DUSP16: variants seen among roughly 807,000 people sequenced by gnomAD.
DUSP16 encodes the protein dual specificity phosphatase 16, also known as dual specificity protein phosphatase 16.
A neutral mutation model predicts 58.3 loss-of-function variants in DUSP16; 21 were observed. The observed-to-expected ratio is 0.36, with a 90% CI of 0.26 to 0.52. The LOEUF (loss-of-function observed/expected upper bound fraction) is 0.52, where lower values mean the gene tolerates loss of function less well. DUSP16 is among the 20% of genes least tolerant of loss of function. The pLI is 0.94. For synonymous variants in DUSP16, 320 were observed against 323.8 expected (o/e 0.99, Z 0.12); for missense variants, 726 against 819.0 (o/e 0.89, Z 1.39).
intron 1 of DUSP16, among the ~76,000 whole-genome samples, chr12:12,560,460 CTGTAAA>C (rs1300241859): frequency 6.6e-6 from 1 of 152,160 alleles, no homozygotes; most frequent in Non-Finnish European, 1.5e-5. Flanking sequence ...TTACATAAGA[CTGTAAA>C]TGTTAGCCAA....
intron 1 of DUSP16, among the ~76,000 whole-genome samples, chr12:12,533,769 A>C (rs548121404): frequency 1.3e-5 from 2 of 152,010 alleles, no homozygotes; most frequent in African/African-American, 4.8e-5. Context: ...CCTAATTTCA[A>C]CTCATCTACT....
intron 1 of DUSP16, among the ~76,000 whole-genome samples, chr12:12,528,723 A>G (rs779651544): frequency 3.3e-5 from 5 of 152,380 alleles, no homozygotes; most frequent in Middle Eastern, 6.8e-3. Flanking sequence ...TAAATTAACA[A>G]GGCAAAAATT....
At chr12:12,527,337 CCTT>C (rs1180031533) in intron 1 of DUSP16, among the ~76,000 whole-genome samples, 1 of 151,216 alleles carries the variant, frequency 6.6e-6, no homozygotes, top group Non-Finnish European at 1.5e-5. Flanking sequence ...AACAAGAACT[CCTT>C]AGACTTTGAC....
intron 1 of DUSP16, among the ~76,000 whole-genome samples, chr12:12,525,092 T>C (rs1457812734): frequency 3.9e-5 from 6 of 152,186 alleles, no homozygotes; most frequent in African/African-American, 7.2e-5. Flanking sequence ...ATACACACTT[T>C]TCCTTCTCTT....
At chr12:12,531,157 T>G (rs1944378403) in intron 1 of DUSP16, among the ~76,000 whole-genome samples, 2 of 152,170 alleles carry the variant, frequency 1.3e-5, no homozygotes. Flanking sequence ...CTGAACAATT[T>G]GGAACACAGT....
chr12:12,547,531 T>TAAAA (rs761142479), intron 1 of DUSP16, among the ~76,000 whole-genome samples: 2 of 66,656 alleles, frequency 3.0e-5, no homozygotes, highest in African/African-American at 4.9e-5. Flanking sequence ...TGAGTAGGCT[T>TAAAA]AAAAAAAAAA....
At chr12:12,540,090 A>C (rs1330167776) in intron 1 of DUSP16, among the ~76,000 whole-genome samples, 4 of 151,294 alleles carry the variant, frequency 2.6e-5, no homozygotes, top group Admixed American at 6.6e-5. Flanking sequence ...CAGGAGTTTG[A>C]GACTAGCCTA....
intron 1 of DUSP16, among the ~76,000 whole-genome samples, chr12:12,557,614 A>T (rs1447891706): frequency 1.3e-5 from 2 of 152,238 alleles, no homozygotes; most frequent in African/African-American, 4.8e-5. Flanking sequence ...TTAAAAAGTT[A>T]TAACATGAAG....
intron 5 of DUSP16, among the ~76,000 whole-genome samples, chr12:12,485,732 G>A (rs551344376): frequency 6.6e-6 from 1 of 151,676 alleles, no homozygotes; most frequent in South Asian, 2.1e-4. Flanking sequence ...TGCTTGCCTC[G>A]GCTTGTTAAA....
chr12:12,526,258 A>G (rs1944306489), intron 1 of DUSP16, among the ~76,000 whole-genome samples: 2 of 151,958 alleles, frequency 1.3e-5, no homozygotes, highest in Non-Finnish European at 2.9e-5. Flanking sequence ...AATATTTAAC[A>G]CAAGTTGTAT....
At chr12:12,496,732 C>T (rs1017008672) in intron 4 of DUSP16, among the ~76,000 whole-genome samples, 1 of 152,196 alleles carries the variant, frequency 6.6e-6, no homozygotes, top group Non-Finnish European at 1.5e-5. Context: ...TCAAATCCCA[C>T]TCATTTCAAA....
In DUSP16 at chr12:12,520,932, C is replaced by T. The variant is rs372330415; in HGVS notation, c.167G>A (p.Arg56Gln). Reference protein sequence around the residue: ...ININCSKLMKRRLQQDKVLIT... With the variant: ...ININCSKLMKQRLQQDKVLIT... ...TAACACTTTGTCCTGTTGCAACCTT[C>T]GCTTCATAAGCTTGGAGCAGTTGAT... The change falls in exon 2 of 7, where the codon CGA (arginine) becomes CAA (glutamine). Residue 56 changes from arginine to glutamine, a missense_variant. Arg to Gln is a conservative substitution (Grantham distance 43). Transcript: ENST00000298573. The T allele has an allele frequency of 1.9e-6, 3 of 1,614,216 alleles. No homozygotes were observed. Among genetic ancestry groups the T allele is most frequent in the Admixed American group, 1.7e-5 (1 of 60,022 alleles).
At position 12,474,004 on chromosome 12, in the gene DUSP16, T is replaced by C. The variant is rs1298159145; in HGVS notation, c.*2829A>G. ...TGTAGTGTGCATTTAACGTACACAG[T>C]AAAGAATGAAGGCTGGCACTAAACT... On this transcript the variant is annotated 3_prime_UTR_variant, in exon 7 of 7. Transcript: ENST00000298573. 6.6e-6 allele frequency among the ~76,000 whole-genome samples: 1 copy of C among 152,212 alleles called. No homozygotes were observed. The highest frequency in any genetic ancestry group is 1.5e-5 in the Non-Finnish European group (1 of 68,038).
At chr12:12,483,397 TTTC>T (rs1177310417) in intron 5 of DUSP16, among the ~76,000 whole-genome samples, 2 of 152,170 alleles carry the variant, frequency 1.3e-5, no homozygotes, top group African/African-American at 2.4e-5. Context: ...GTTTACTTTT[TTTC>T]TTTTTTTTTC....
chr12:12,553,817 G>A (rs539888875), intron 1 of DUSP16, among the ~76,000 whole-genome samples: 1 of 152,240 alleles, frequency 6.6e-6, no homozygotes, highest in South Asian at 2.1e-4. Flanking sequence ...TTACAGGCAT[G>A]AGCCACCATG....
chr12:12,546,928 C>G (rs2136260241), intron 1 of DUSP16, among the ~76,000 whole-genome samples: 1 of 152,258 alleles, frequency 6.6e-6, no homozygotes, highest in South Asian at 2.1e-4. Flanking sequence ...ATAATTTTAT[C>G]TTAGCAGTAC....
chr12:12,495,062 C>T (rs74062575), intron 4 of DUSP16, among the ~76,000 whole-genome samples: 9,316 of 152,086 alleles, frequency 0.061, 325 homozygotes, highest in Middle Eastern at 0.095. Context: ...CTTTAATTTC[C>T]TCACCTGTAA....
intron 1 of DUSP16, among the ~76,000 whole-genome samples, chr12:12,557,269 C>T (rs1944819366): frequency 6.6e-6 from 1 of 151,984 alleles, no homozygotes; most frequent in Non-Finnish European, 1.5e-5. Flanking sequence ...TCCTGGCCAA[C>T]GTGGTGAAAC....
intron 1 of DUSP16, chr12:12,561,225 C>T (rs1944897786): frequency 6.6e-6 from 1 of 152,150 alleles, no homozygotes; most frequent in South Asian, 2.1e-4. Flanking sequence ...TCCTCCCCAG[C>T]TTATTCATCA....
Sources: allele counts gnomAD v4.1 joint callset (sites outside exome capture counted in the v4.1 genomes callset), GRCh38; gene constraint gnomAD v4.1.1; transcripts MANE v1.5; gene names NCBI Gene and HGNC (gene_info 2026-07-23, HGNC 2026-07-21).